Variants in DSCAM observed in about 807,000 individuals in gnomAD.
DSCAM encodes cell adhesion molecule DSCAM.
Under a neutral mutation model 217.7 loss-of-function variants are expected in DSCAM, and 47 were observed. The observed-to-expected ratio is 0.22, with a 90% CI of 0.17 to 0.28. The LOEUF is 0.28. Among genes scored for constraint, DSCAM ranks in the 10% least tolerant of loss-of-function variants. The pLI, the probability that DSCAM is intolerant of heterozygous loss-of-function variation, is 1.00. For missense variants in DSCAM, 2,080 were observed against 2,618.3 expected, an observed-to-expected ratio of 0.79 and a Z score of 4.49; for synonymous variants, 1,056 against 1,015.3, an observed-to-expected ratio of 1.04 and a Z score of -0.76.
intron 20 of DSCAM, among the ~76,000 whole-genome samples, chr21:40,112,007 C>T (rs564877725): frequency 2.9e-4 from 44 of 152,002 alleles, no homozygotes; most frequent in East Asian, 2.3e-3. Context: ...GACAGATCAA[C>T]GAGACAGAAA....
At chr21:40,485,523 T>A (rs528627418) in intron 3 of DSCAM, among the ~76,000 whole-genome samples, 1 of 151,812 alleles carries the variant, frequency 6.6e-6, no homozygotes, top group East Asian at 1.9e-4. Flanking sequence ...ATTACAGGCG[T>A]GAGCCACCGC....
chr21:40,049,363 T>G (rs1320081380), intron 30 of DSCAM, among the ~76,000 whole-genome samples: 1 of 152,146 alleles, frequency 6.6e-6, no homozygotes, highest in Non-Finnish European at 1.5e-5. Flanking sequence ...AGCTTTTCCC[T>G]GCTGCCCCCT....
In DSCAM at chr21:40,208,797, G is replaced by A. The variant is rs116015134; in HGVS notation, c.2357-19559C>T. Among the ~76,000 whole-genome samples, 1,511 of 152,204 alleles carry A rather than the reference G, an allele frequency of 9.9e-3. 30 individuals carry two copies. The highest frequency in any genetic ancestry group is 0.033 in the African/African-American group (1,358 of 41,530). ...AACAGAAATATGGAGAGGCAGCTGCGGCTTTCACTGCCCTACTCCTCCCTC... is the reference window on the plus strand; with the variant it reads ...AACAGAAATATGGAGAGGCAGCTGCAGCTTTCACTGCCCTACTCCTCCCTC... On this transcript the variant is annotated intron_variant, in intron 11 of 32. Coordinates refer to ENST00000400454, the MANE Select transcript of DSCAM (RefSeq NM_001389.5).
intron 1 of DSCAM, among the ~76,000 whole-genome samples, chr21:40,710,531 CACAATTTAT>C (rs2090768893): frequency 6.6e-6 from 1 of 152,144 alleles, no homozygotes; most frequent in South Asian, 2.1e-4. Context: ...TCAGTGAATG[CACAATTTAT>C]ACATATTCTT....
At chr21:40,739,954 A>ATTTTTT (rs56815777) in intron 1 of DSCAM, among the ~76,000 whole-genome samples, 4 of 58,978 alleles carry the variant, frequency 6.8e-5, no homozygotes, top group East Asian at 5.8e-4. Context: ...TGCAGGTGTA[A>ATTTTTT]TTTTTTTTTT....
chr21:40,528,452 C>T (rs1209400994), intron 3 of DSCAM, among the ~76,000 whole-genome samples: 1 of 152,146 alleles, frequency 6.6e-6, no homozygotes, highest in Non-Finnish European at 1.5e-5. Context: ...TAGAATAATG[C>T]ATAGCCATTG....
chr21:40,250,713 G>A (rs1033070025), intron 11 of DSCAM, among the ~76,000 whole-genome samples: 17 of 152,196 alleles, frequency 1.1e-4, no homozygotes, highest in Non-Finnish European at 1.3e-4. Context: ...GCACTGGGTC[G>A]GGGCTGACGT....
At chr21:40,107,905 G>A (rs62237598) in intron 20 of DSCAM, among the ~76,000 whole-genome samples, 1 of 151,506 alleles carries the variant, frequency 6.6e-6, no homozygotes, top group African/African-American at 2.4e-5. Context: ...CCTTTATTTT[G>A]AGCCAATGTG....
intron 1 of DSCAM, among the ~76,000 whole-genome samples, chr21:40,761,199 A>G (rs1479193204): frequency 3.3e-5 from 5 of 152,184 alleles, no homozygotes; most frequent in African/African-American, 4.8e-5. Context: ...ACGAAGATGC[A>G]GTTTTGCTAA....
chr21:40,137,262 T>TGGGG (rs11300114), intron 18 of DSCAM, among the ~76,000 whole-genome samples: 1 of 133,152 alleles, frequency 7.5e-6, no homozygotes, highest in Non-Finnish European at 1.6e-5. Flanking sequence ...GAATTAACAT[T>TGGGG]GGGGGGGGGG....
At chr21:40,571,091 GAAAAAAAAATT>G (rs1419767789) in intron 3 of DSCAM, among the ~76,000 whole-genome samples, 1 of 148,112 alleles carries the variant, frequency 6.8e-6, no homozygotes, top group East Asian at 2.0e-4. Context: ...AACCTTAAAA[GAAAAAAAAATT>G]GAAAAGAAAT....
At chr21:40,542,501 C>T (rs549536160) in intron 3 of DSCAM, among the ~76,000 whole-genome samples, 125 of 152,282 alleles carry the variant, frequency 8.2e-4, no homozygotes, top group Non-Finnish European at 1.4e-3. Flanking sequence ...GTAGTGAGGT[C>T]GTGAGGGTGG....
intron 3 of DSCAM, among the ~76,000 whole-genome samples, chr21:40,630,076 C>A (rs914253443): frequency 1.3e-5 from 2 of 152,014 alleles, no homozygotes; most frequent in Admixed American, 1.3e-4. Context: ...TGGAGCCCAA[C>A]AGGAAGAGGT....
intron 10 of DSCAM, among the ~76,000 whole-genome samples, chr21:40,292,231 C>T (rs2073902258): frequency 8.2e-6 from 1 of 121,964 alleles, no homozygotes; most frequent in African/African-American, 3.1e-5. Flanking sequence ...TTCATTTCTA[C>T]AATAGCTACC....
chr21:40,109,727 C>G (rs1420617838), intron 20 of DSCAM, among the ~76,000 whole-genome samples: 2 of 152,210 alleles, frequency 1.3e-5, no homozygotes, highest in African/African-American at 4.8e-5. Flanking sequence ...CCTAATACTG[C>G]ACTTTTCCGA....
intron 32 of DSCAM, among the ~76,000 whole-genome samples, chr21:40,039,583 G>T (rs2088705242): frequency 6.6e-6 from 1 of 152,090 alleles, no homozygotes; most frequent in African/African-American, 2.4e-5. Flanking sequence ...TATAGAGAGA[G>T]AGTTTTAAGT....
At chr21:40,106,214 C>A (rs1366583334) in intron 20 of DSCAM, among the ~76,000 whole-genome samples, 2 of 152,174 alleles carry the variant, frequency 1.3e-5, no homozygotes, top group African/African-American at 4.8e-5. Flanking sequence ...ATCATGAGAA[C>A]AGCACAGGAA....
intron 11 of DSCAM, among the ~76,000 whole-genome samples, chr21:40,268,329 C>A (rs1160251134): frequency 6.6e-6 from 1 of 152,038 alleles, no homozygotes; most frequent in African/African-American, 2.4e-5. Flanking sequence ...TCAGGGGCAG[C>A]CAGAAGACAG....
intron 8 of DSCAM, among the ~76,000 whole-genome samples, chr21:40,328,976 CAT>C (rs1373849216): frequency 1.3e-5 from 2 of 152,114 alleles, no homozygotes; most frequent in African/African-American, 2.4e-5. Context: ...TCATCTCACA[CAT>C]GTTAGAATGG....
Sources: allele counts gnomAD v4.1 joint callset (sites outside exome capture counted in the v4.1 genomes callset), GRCh38; gene constraint gnomAD v4.1.1; transcripts MANE v1.5; gene names NCBI Gene and HGNC (gene_info 2026-07-23, HGNC 2026-07-21).